The following TNFRSF10B variants were observed in gnomAD, a reference collection of about 807,000 sequenced individuals.
TNFRSF10B encodes TNF receptor superfamily member 10b.
TNFRSF10B carries 35 observed loss-of-function variants against 41.4 expected under a neutral mutation model. The ratio of observed to expected loss-of-function variants is 0.85; its 90% CI spans 0.65 to 1.12. The LOEUF (loss-of-function observed/expected upper bound fraction) is 1.12. TNFRSF10B is among the 50% of genes most tolerant of loss of function. The pLI is 0.00. For synonymous variants in TNFRSF10B, 230 were observed against 215.5 expected, an observed-to-expected ratio of 1.07 and a Z score of -0.59; for missense variants, 584 against 552.7, an observed-to-expected ratio of 1.06 and a Z score of -0.57.
chr8:23,054,266 T>C (rs1384038167), intron 1 of TNFRSF10B, among the ~76,000 whole-genome samples: 1 of 152,224 alleles, frequency 6.6e-6, no homozygotes, highest in African/African-American at 2.4e-5. Context: ...ACTGAACTAA[T>C]AGGAGACTGA....
At chr8:23,057,072 G>A (rs184107947) in intron 1 of TNFRSF10B, among the ~76,000 whole-genome samples, 145 of 140,880 alleles carry the variant, frequency 1.0e-3, no homozygotes, top group Admixed American at 2.5e-3. Context: ...GTCTCACTCT[G>A]TTGCCCAGGC....
intron 1 of TNFRSF10B, among the ~76,000 whole-genome samples, chr8:23,064,892 A>G (rs1585230340): frequency 6.6e-6 from 1 of 152,332 alleles, no homozygotes; most frequent in East Asian, 1.9e-4. Flanking sequence ...TAGTACGATC[A>G]TTACCCTCAA....
intron 1 of TNFRSF10B, among the ~76,000 whole-genome samples, chr8:23,066,806 A>G (rs1291924081): frequency 6.6e-6 from 1 of 151,966 alleles, no homozygotes; most frequent in Non-Finnish European, 1.5e-5. Context: ...CTGAGGCAGG[A>G]GAATGGCGTG....
chr8:23,062,709 CTA>C (rs1280305692), intron 1 of TNFRSF10B, among the ~76,000 whole-genome samples: 2 of 152,092 alleles, frequency 1.3e-5, no homozygotes, highest in Non-Finnish European at 2.9e-5. Flanking sequence ...GAATCAGATA[CTA>C]TATATGCTTT....
At chr8:23,042,421 G>T (rs1812228572) in intron 2 of TNFRSF10B, among the ~76,000 whole-genome samples, 1 of 152,196 alleles carries the variant, frequency 6.6e-6, no homozygotes, top group Non-Finnish European at 1.5e-5. Context: ...GGAAAAGGGG[G>T]AAGAAGTGCG....
chr8:23,030,280 G>C (rs760665353), intron 3 of TNFRSF10B, among the ~76,000 whole-genome samples: 4 of 152,174 alleles, frequency 2.6e-5, no homozygotes, highest in Non-Finnish European at 5.9e-5. Context: ...TTACCATGTA[G>C]CATACATTAT....
chr8:23,020,906 C>T lies in TNFRSF10B; in HGVS notation c.*1765G>A, dbSNP rs1230399816. 6.6e-6 allele frequency: 3 copies of T among 454,038 alleles called. No individual in the cohort carries two copies. The East Asian group carries it at 2.1e-4, about 32-fold the overall frequency. The allele number at this position is 454,038 out of a possible 1,614,324, so 28.1% of individuals were successfully genotyped here. On this transcript the variant is annotated 3_prime_UTR_variant, in exon 9 of 9. Transcript: ENST00000276431. ...TGCCTTCCAGAAGTGCAGGGGACAA[C>T]GCGTGGGATGCCAGATGGAAGTGGG...
chr8:23,030,237 AC>A (rs1237907209), intron 3 of TNFRSF10B, among the ~76,000 whole-genome samples: 1 of 152,130 alleles, frequency 6.6e-6, no homozygotes, highest in East Asian at 1.9e-4. Context: ...TCATGGCCCC[AC>A]CCCCTTGCAG....
chr8:23,044,646 G>C (rs1375696381), intron 1 of TNFRSF10B, among the ~76,000 whole-genome samples: 1 of 152,124 alleles, frequency 6.6e-6, no homozygotes, highest in African/African-American at 2.4e-5. Context: ...GCAGTTTTAA[G>C]AGGAAATGGC....
In TNFRSF10B at chr8:23,042,994, G is replaced by A. The variant is rs548819477; in HGVS notation, c.250+144C>T. On this transcript the variant is annotated intron_variant, in intron 2 of 8. Coordinates refer to ENST00000276431, the MANE Select transcript of TNFRSF10B (RefSeq NM_003842.5). ...GTCTTGATACCATCCTAGCAGGAAG[G>A]CTCCAGAAGGACAGAGCCTTGAACT... is the stretch of plus-strand genomic sequence containing the variant. 3 of 681,670 alleles carry A rather than the reference G, an allele frequency of 4.4e-6. No homozygotes were observed. In the East Asian group the frequency reaches 8.2e-5, roughly 19 times the overall value. 42.2% of individuals were successfully genotyped at this position (681,670 alleles called of 1,614,324 possible).
chr8:23,045,796 T>C (rs1441117553), intron 1 of TNFRSF10B, among the ~76,000 whole-genome samples: 1 of 152,184 alleles, frequency 6.6e-6, no homozygotes, highest in Non-Finnish European at 1.5e-5. Flanking sequence ...TGAAAATCAA[T>C]AAATGTGATA....
At chr8:23,024,120 G>T in intron 8 of TNFRSF10B, 68 bp downstream of exon 8, 1 of 1,599,810 alleles carries the variant, frequency 6.3e-7, no homozygotes, top group Admixed American at 1.7e-5. Context: ...TGACCTCTGG[G>T]GACAGCAGTT....
chr8:23,052,735 G>A (rs897840364), intron 1 of TNFRSF10B, among the ~76,000 whole-genome samples: 2 of 152,214 alleles, frequency 1.3e-5, no homozygotes, highest in Non-Finnish European at 2.9e-5. Context: ...CTTCAAAAAT[G>A]TAAATAGTTG....
intron 1 of TNFRSF10B, among the ~76,000 whole-genome samples, chr8:23,045,061 A>C (rs1456685031): frequency 9.3e-5 from 3 of 32,228 alleles, no homozygotes; most frequent in African/African-American, 8.4e-4. Context: ...AATAAAATAC[A>C]AAAAAAAAAA....
chr8:23,029,813 A>G (rs530257358), intron 3 of TNFRSF10B, 92 bp from the exon 4 acceptor site: 2 of 1,317,632 alleles, frequency 1.5e-6, no homozygotes, highest in East Asian at 2.5e-5. Flanking sequence ...ACTCAGCTCA[A>G]CTCAGTTTGC....
intron 1 of TNFRSF10B, among the ~76,000 whole-genome samples, chr8:23,061,350 T>C (rs1302432636): frequency 6.6e-6 from 1 of 152,220 alleles, no homozygotes; most frequent in Non-Finnish European, 1.5e-5. Flanking sequence ...ATCTCCCAGA[T>C]TGCAATCTGT....
chr8:23,044,002 G>A (rs1355127690), intron 1 of TNFRSF10B, among the ~76,000 whole-genome samples: 2 of 152,200 alleles, frequency 1.3e-5, no homozygotes, highest in Non-Finnish European at 2.9e-5. Context: ...TGACAGAAAT[G>A]TTGTTATGTG....
intron 8 of TNFRSF10B, 103 bp downstream of exon 8, chr8:23,024,085 C>A: frequency 6.9e-7 from 1 of 1,448,754 alleles, no homozygotes; most frequent in Non-Finnish European, 9.7e-7. Flanking sequence ...CGGCTTCCAG[C>A]ATGGAATACT....
At chr8:23,027,634 C>T in intron 6 of TNFRSF10B, 88 bp downstream of exon 6, 1 of 1,583,914 alleles carries the variant, frequency 6.3e-7, no homozygotes, top group Non-Finnish European at 8.7e-7. Context: ...GCCATGAGGA[C>T]AATGGGGACC....
Sources: gnomAD v4.1 joint callset for allele counts (sites outside exome capture counted in the v4.1 genomes callset) on GRCh38, gnomAD v4.1.1 for gene constraint, MANE v1.5 for transcripts, NCBI Gene and HGNC (gene_info 2026-07-23, HGNC 2026-07-21) for gene names.